Variants in CNTN5 observed in about 807,000 individuals in gnomAD.
CNTN5 encodes the protein contactin 5, also known as contactin-5.
A neutral mutation model predicts 129.1 loss-of-function variants in CNTN5; 77 were observed. The observed-to-expected ratio is 0.60, with a 90% confidence interval of 0.50 to 0.72. The LOEUF (loss-of-function observed/expected upper bound fraction) is 0.72. Ranked by LOEUF, CNTN5 falls within the 30% of genes least tolerant of loss-of-function variation. The pLI is 0.00. For missense variants in CNTN5, 1,478 were observed against 1,328.8 expected (o/e 1.11, Z -1.75); for synonymous variants, 509 against 465.6 (o/e 1.09, Z -1.20).
intron 23 of CNTN5, 26 bp downstream of exon 23, chr11:100,341,231 T>G: frequency 6.8e-7 from 1 of 1,477,520 alleles, no homozygotes; most frequent in South Asian, 1.1e-5. Context: ...CTCTTTTGCA[T>G]AGATACTCAT....
intron 2 of CNTN5, among the ~76,000 whole-genome samples, chr11:99,538,598 A>T (rs1947986300): frequency 6.6e-6 from 1 of 152,152 alleles, no homozygotes; most frequent in Non-Finnish European, 1.5e-5. Context: ...CATTAATATC[A>T]TTCCGCATGG....
At chr11:100,167,770 G>T (rs192257602) in intron 13 of CNTN5, among the ~76,000 whole-genome samples, 39 of 152,048 alleles carry the variant, frequency 2.6e-4, no homozygotes, top group African/African-American at 9.4e-4. Flanking sequence ...GATGGCAGTA[G>T]TGGAGTGAAG....
chr11:99,465,189 C>T (rs535476145), intron 2 of CNTN5, among the ~76,000 whole-genome samples: 1 of 152,266 alleles, frequency 6.6e-6, no homozygotes, highest in Non-Finnish European at 1.5e-5. Flanking sequence ...TGGAAACTGG[C>T]TAATAAATAC....
chr11:99,347,164 T>A (rs1374066535), intron 2 of CNTN5, among the ~76,000 whole-genome samples: 2 of 152,104 alleles, frequency 1.3e-5, no homozygotes, highest in Admixed American at 1.3e-4. Context: ...TGTCCCAGAG[T>A]TTCAAGTTCA....
chr11:99,798,685 A>G (rs1201663568), intron 3 of CNTN5, among the ~76,000 whole-genome samples: 1 of 152,024 alleles, frequency 6.6e-6, no homozygotes, highest in Non-Finnish European at 1.5e-5. Context: ...TATAGTTTGA[A>G]GTCAGGTATT....
intron 9 of CNTN5, among the ~76,000 whole-genome samples, chr11:100,033,827 G>C (rs1007212858): frequency 6.6e-6 from 1 of 152,048 alleles, no homozygotes; most frequent in South Asian, 2.1e-4. Flanking sequence ...TTCACCTCCT[G>C]CTCCCACAGG....
intron 1 of CNTN5, among the ~76,000 whole-genome samples, chr11:99,275,816 C>G (rs1174469885): frequency 6.6e-6 from 1 of 151,674 alleles, no homozygotes; most frequent in Non-Finnish European, 1.5e-5. Context: ...GAGGTTTAGT[C>G]TCAGACTGGC....
intron 2 of CNTN5, among the ~76,000 whole-genome samples, chr11:99,424,070 G>A (rs546245035): frequency 2.1e-4 from 32 of 151,966 alleles, no homozygotes; most frequent in South Asian, 6.2e-4. Flanking sequence ...TTTCCTATAC[G>A]TACATACATA....
chr11:100,306,557 G>A (rs528467339), intron 20 of CNTN5, among the ~76,000 whole-genome samples: 2 of 151,660 alleles, frequency 1.3e-5, no homozygotes, highest in Non-Finnish European at 3.0e-5. Flanking sequence ...AATAGCAAAC[G>A]ATATTCAAAG....
At chr11:100,247,271 A>G (rs928614936) in intron 16 of CNTN5, among the ~76,000 whole-genome samples, 10 of 152,338 alleles carry the variant, frequency 6.6e-5, no homozygotes, top group Middle Eastern at 3.4e-3. Flanking sequence ...AGGATAGATA[A>G]TGATGATGGT....
At chr11:100,123,380 T>G (rs974686939) in intron 13 of CNTN5, among the ~76,000 whole-genome samples, 1 of 152,050 alleles carries the variant, frequency 6.6e-6, no homozygotes, top group African/African-American at 2.4e-5. Context: ...AATTCATAAA[T>G]AATACATCTT....
At chr11:99,674,879 T>C (rs1352558145) in intron 3 of CNTN5, among the ~76,000 whole-genome samples, 2 of 152,172 alleles carry the variant, frequency 1.3e-5, no homozygotes, top group African/African-American at 4.8e-5. Flanking sequence ...CTTCCCCTTT[T>C]TGCCCTTGCT....
At position 99,382,844 on chromosome 11, in the gene CNTN5, A is replaced by AGTTTTTTTTTTTTTTTTTTTTTTTTTTT. The variant is rs774797660; in HGVS notation, c.-71+57360_-71+57361insGTTTTTTTTTTTTTTTTTTTTTTTTTTT. Among the ~76,000 whole-genome samples the AGTTTTTTTTTTTTTTTTTTTTTTTTTTT allele has an allele frequency of 4.3e-5, 3 of 69,402 alleles. 1 individual carries two copies. The highest frequency in any genetic ancestry group is 4.5e-4 in the Admixed American group (2 of 4,472). The allele number at this position is 69,402 out of a possible 152,430, so 45.5% of individuals were successfully genotyped here. ...CACATCTCACTAGTGTCTCTAAATA[A>AGTTTTTTTTTTTTTTTTTTTTTTTTTTT]CTTTTTTTTTTTTTTTTTTTTTTTT... On this transcript the variant is annotated intron_variant, in intron 2 of 24. Coordinates refer to ENST00000524871, the MANE Select transcript of CNTN5 (RefSeq NM_014361.4).
intron 13 of CNTN5, among the ~76,000 whole-genome samples, chr11:100,177,502 A>T (rs533989451): frequency 2.0e-5 from 3 of 152,124 alleles, no homozygotes; most frequent in Non-Finnish European, 4.4e-5. Context: ...TGTAGTTTCT[A>T]TAGTAGTAGT....
At chr11:100,043,325 A>G (rs1254037567) in intron 9 of CNTN5, among the ~76,000 whole-genome samples, 1 of 152,162 alleles carries the variant, frequency 6.6e-6, no homozygotes, top group Non-Finnish European at 1.5e-5. Flanking sequence ...ACACTATTTC[A>G]TTTAACAATA....
chr11:100,012,015 T>A (rs907682298), intron 9 of CNTN5, among the ~76,000 whole-genome samples: 5 of 152,122 alleles, frequency 3.3e-5, no homozygotes, highest in African/African-American at 1.2e-4. Flanking sequence ...CTGTAGGAAT[T>A]AAAAATGAAT....
At chr11:99,326,807 G>A (rs1865804856) in intron 2 of CNTN5, among the ~76,000 whole-genome samples, 1 of 152,024 alleles carries the variant, frequency 6.6e-6, no homozygotes, top group Non-Finnish European at 1.5e-5. Context: ...CAAATCATGG[G>A]AAAAAATTGA....
intron 1 of CNTN5, among the ~76,000 whole-genome samples, chr11:99,080,980 G>GTTTTTTTTT (rs766619743): frequency 8.9e-6 from 1 of 112,460 alleles, no homozygotes; most frequent in Non-Finnish European, 1.8e-5. Flanking sequence ...TGAGAAATCA[G>GTTTTTTTTT]TTTTTTTTTT....
At chr11:99,767,790 A>G (rs1944805839) in intron 3 of CNTN5, among the ~76,000 whole-genome samples, 1 of 152,054 alleles carries the variant, frequency 6.6e-6, no homozygotes, top group South Asian at 2.1e-4. Context: ...GACTACATGA[A>G]TTCTTATTAA....
Sources: gnomAD v4.1 joint callset for allele counts (sites outside exome capture counted in the v4.1 genomes callset) on GRCh38, gnomAD v4.1.1 for gene constraint, MANE v1.5 for transcripts, NCBI Gene and HGNC (gene_info 2026-07-23, HGNC 2026-07-21) for gene names.